The following PCDHGA6 variants were observed in gnomAD, a reference collection of about 807,000 sequenced individuals.
The protein encoded by PCDHGA6 is protocadherin gamma-A6.
PCDHGA6 carries 41 observed loss-of-function variants against 60.6 expected under a neutral mutation model. The ratio of observed to expected loss-of-function variants is 0.68; its 90% CI spans 0.53 to 0.88. The LOEUF (loss-of-function observed/expected upper bound fraction) is 0.88, where lower values mean the gene tolerates loss of function less well. PCDHGA6 is among the 40% of genes least tolerant of loss of function. The pLI is 0.00. For missense variants in PCDHGA6, 1,312 were observed against 1,203.0 expected (o/e 1.09, Z -1.34); for synonymous variants, 594 against 524.4 (o/e 1.13, Z -1.81).
chr5:141,459,232 G>C (rs1293027771), intron 1 of PCDHGA6, among the ~76,000 whole-genome samples: 1 of 152,152 alleles, frequency 6.6e-6, no homozygotes, highest in Non-Finnish European at 1.5e-5. Context: ...GCAACAACTG[G>C]TCTGCTTCCT....
intron 1 of PCDHGA6, chr5:141,409,009 G>A (rs1189849996): frequency 6.2e-7 from 1 of 1,613,994 alleles, no homozygotes. Context: ...CCACTGACCA[G>A]GATGAGGGGG....
In PCDHGA6 at chr5:141,477,982, G is replaced by A; in HGVS notation, c.2425-16825G>A. ...CTAACCAGAGCCTTTTTGCCATAGG[G>A]CTGCACACTGGTCAAATCAGTACTG... is the stretch of plus-strand genomic sequence containing the variant. On this transcript the variant is annotated intron_variant, in intron 1 of 3. Transcript: ENST00000517434. The surrounding 1 kb of genome is among the most constrained non-coding windows in gnomAD (Gnocchi z 4.9). 6.2e-7 allele frequency: 1 copy of A among 1,614,066 alleles called. No individual in the cohort carries two copies. Among genetic ancestry groups the A allele is most frequent in the Non-Finnish European group, 8.5e-7 (1 of 1,180,014 alleles).
chr5:141,460,833 T>G (rs541553903), intron 1 of PCDHGA6, among the ~76,000 whole-genome samples: 2 of 151,928 alleles, frequency 1.3e-5, no homozygotes, highest in African/African-American at 4.8e-5. Flanking sequence ...ACACTTAAAG[T>G]AATGGCCTCC....
intron 1 of PCDHGA6, among the ~76,000 whole-genome samples, chr5:141,474,266 G>A (rs1420620306): frequency 6.6e-6 from 1 of 152,186 alleles, no homozygotes; most frequent in Non-Finnish European, 1.5e-5. Context: ...ATAAACCAGT[G>A]TATCTCTGAA....
rs946434728 is a variant in PCDHGA6, at chr5:141,428,357, C to A, written c.2424+51850C>A. On this transcript the variant is annotated intron_variant, in intron 1 of 3. Coordinates refer to ENST00000517434, the MANE Select transcript of PCDHGA6 (RefSeq NM_018919.3). ...CTCTTCTTCCTCGCAGTGATTTTGG[C>A]GGTCGCCTTGCACCTGCGATGCTCT... is the stretch of plus-strand genomic sequence containing the variant. The A allele has an allele frequency of 1.2e-5, 7 of 565,506 alleles. No individual in the cohort carries two copies. The East Asian group carries it at 2.0e-4, about 16-fold the overall frequency. The allele number at this position is 565,506 out of a possible 1,614,324, so 35.0% of individuals were successfully genotyped here.
Position 141,477,514 on chromosome 5 carries a change from T to G in PCDHGA6, c.2425-17293T>G. 1 of 1,614,114 alleles carries G rather than the reference T, an allele frequency of 6.2e-7. No individual in the cohort carries two copies. Among genetic ancestry groups the G allele is most frequent in the Non-Finnish European group, 8.5e-7 (1 of 1,180,026 alleles). On this transcript the variant is annotated intron_variant, in intron 1 of 3. Coordinates refer to ENST00000517434, the MANE Select transcript of PCDHGA6 (RefSeq NM_018919.3). The surrounding 1 kb of genome is among the most constrained non-coding windows in gnomAD (Gnocchi z 4.9). Reference sequence around the variant, plus strand: ...CTCAATCTTCCTACGACGTTTACATTGAAGAAAACAACCTCCCCGGGGCTC... The same window carrying G: ...CTCAATCTTCCTACGACGTTTACATGGAAGAAAACAACCTCCCCGGGGCTC...
Position 141,374,273 on chromosome 5 carries a change from G to A in PCDHGA6, c.190G>A (p.Val64Ile). The A allele has an allele frequency of 6.2e-7, 1 of 1,614,012 alleles. No homozygotes were observed. The highest frequency in any genetic ancestry group is 1.1e-5 in the South Asian group (1 of 91,084). The change falls in exon 1 of 4, where the codon GTC (valine) becomes ATC (isoleucine). Residue 64 changes from valine (V) to isoleucine (I), a missense_variant. Val to Ile is a conservative substitution (Grantham distance 29, BLOSUM62 3). Transcript: ENST00000517434. Reference protein sequence around the residue: ...LEPQELAEHGVRIVSRGRMQL... With the variant: ...LEPQELAEHGIRIVSRGRMQL... ...GCCCCAGGAGTTGGCGGAGCACGGA[G>A]TCCGCATCGTCTCCAGAGGTAGGAT...
chr5:141,389,490 G>T, intron 1 of PCDHGA6: 1 of 1,613,044 alleles, frequency 6.2e-7, no homozygotes, highest in South Asian at 1.1e-5. Flanking sequence ...CCGCGACCAG[G>T]GCTCGCCAGC....
chr5:141,487,695 C>T lies in PCDHGA6; in HGVS notation c.2425-7112C>T, dbSNP rs1345224043. The stretch of plus-strand genomic sequence containing the variant: ...TGGCTAGGCCATGTCCTAGAGAGTA[C>T]TGGCCTCTCAGTAAGTGCCCATAGT... On this transcript the variant is annotated intron_variant, in intron 1 of 3. Coordinates refer to ENST00000517434, the MANE Select transcript of PCDHGA6 (RefSeq NM_018919.3). The surrounding 1 kb of genome is among the most constrained non-coding windows in gnomAD (Gnocchi z 5.0). 2 of 1,601,306 alleles carry T rather than the reference C, an allele frequency of 1.2e-6. No individual in the cohort carries two copies. Among genetic ancestry groups the T allele is most frequent in the East Asian group, 2.2e-5 (1 of 44,606 alleles).
At chr5:141,393,097 T>C in intron 1 of PCDHGA6, 1 of 1,613,608 alleles carries the variant, frequency 6.2e-7, no homozygotes, top group South Asian at 1.1e-5. Context: ...CGGGAGGAGC[T>C]CTGCGCTCAG....
chr5:141,424,082 C>T (rs2096798510), intron 1 of PCDHGA6: 2 of 957,226 alleles, frequency 2.1e-6, no homozygotes, highest in East Asian at 1.1e-4. Flanking sequence ...TTATATTCCA[C>T]CATTATTTGC....
At chr5:141,510,917 C>A in intron 3 of PCDHGA6, 30 bp from the exon 4 acceptor site, 2 of 1,613,854 alleles carry the variant, frequency 1.2e-6, no homozygotes, top group Non-Finnish European at 8.5e-7. Flanking sequence ...CTAAGTTTAG[C>A]TCCCACCTGA....
chr5:141,470,369 T>C (rs751264270), intron 1 of PCDHGA6, among the ~76,000 whole-genome samples: 2 of 152,226 alleles, frequency 1.3e-5, no homozygotes, highest in Non-Finnish European at 1.5e-5. Context: ...TTAGGTTGAA[T>C]GGAAAGACTA....
In PCDHGA6 at chr5:141,423,562, A is replaced by G. The variant is rs374427537; in HGVS notation, c.2424+47055A>G. On this transcript the variant is annotated intron_variant, in intron 1 of 3. Coordinates refer to ENST00000517434, the MANE Select transcript of PCDHGA6 (RefSeq NM_018919.3). ...TTTCCCCCAGCCCAACTATGGGGAC[A>G]CGCTCATCAGCCAGGAGAGCTGTGA... is the stretch of plus-strand genomic sequence containing the variant. 7 of 1,613,498 alleles carry G rather than the reference A, an allele frequency of 4.3e-6. No homozygotes were observed. The African/African-American group carries it at 8.0e-5, about 18-fold the overall frequency.
chr5:141,449,994 G>T (rs2098661673), intron 1 of PCDHGA6, among the ~76,000 whole-genome samples: 2 of 131,786 alleles, frequency 1.5e-5, no homozygotes, highest in Admixed American at 7.9e-5. Context: ...ATTGCATTTA[G>T]TTGCCATGTC....
intron 1 of PCDHGA6, among the ~76,000 whole-genome samples, chr5:141,424,923 T>C (rs1428936860): frequency 6.6e-6 from 1 of 152,186 alleles, no homozygotes; most frequent in African/African-American, 2.4e-5. Flanking sequence ...CCATAATCAA[T>C]TCAGTCAACA....
intron 1 of PCDHGA6, chr5:141,418,940 C>T (rs867717378): frequency 5.6e-6 from 9 of 1,614,010 alleles, no homozygotes; most frequent in Non-Finnish European, 7.6e-6. Flanking sequence ...GGAGGATTCC[C>T]CTCCAGGAGT....
chr5:141,398,964 T>C lies in PCDHGA6; in HGVS notation c.2424+22457T>C, dbSNP rs768223911. 1.5e-5 allele frequency: 25 copies of C among 1,613,826 alleles called. No homozygotes were observed. In the South Asian group the frequency reaches 2.4e-4, roughly 16 times the overall value. On this transcript the variant is annotated intron_variant, in intron 1 of 3. Coordinates refer to ENST00000517434, the MANE Select transcript of PCDHGA6 (RefSeq NM_018919.3). ...AGGGCATCAACTCAGAAATTACTTA[T>C]TCCTTCTACAGAACCGGGCAAATCT...
At chr5:141,379,481 A>G (rs969144576) in intron 1 of PCDHGA6, 6 of 152,256 alleles carry the variant, frequency 3.9e-5, no homozygotes, top group Non-Finnish European at 5.9e-5. Context: ...ATGTTATTTT[A>G]CTATACTACC....
Sources: allele counts gnomAD v4.1 joint callset (sites outside exome capture counted in the v4.1 genomes callset), GRCh38; gene constraint gnomAD v4.1.1; non-coding constraint Gnocchi (gnomAD v3.1); transcripts MANE v1.5; gene names NCBI Gene and HGNC (gene_info 2026-07-23, HGNC 2026-07-21).